The following CSMD1 variants were observed in gnomAD, a reference collection of about 807,000 sequenced individuals.
CSMD1 encodes CUB and Sushi multiple domains 1.
In CSMD1, 213 loss-of-function variants were observed where a neutral mutation model predicts 417.5. That is an observed-to-expected ratio of 0.51 (90% CI 0.46 to 0.57). The LOEUF is 0.57. Among genes scored for constraint, CSMD1 ranks in the 20% least tolerant of loss-of-function variants. CSMD1 has a pLI of 0.00. For synonymous variants in CSMD1, 2,862 were observed against 1,736.8 expected, an observed-to-expected ratio of 1.65 and a Z score of -16.11; for missense variants, 6,923 against 4,529.7, an observed-to-expected ratio of 1.53 and a Z score of -15.17.
At chr8:3,643,574 G>GCCTGTAGTCCCAACTA (rs1340801037) in intron 7 of CSMD1, among the ~76,000 whole-genome samples, 1 of 151,840 alleles carries the variant, frequency 6.6e-6, no homozygotes. Context: ...GGTGGCGGGC[G>GCCTGTAGTCCCAACTA]CCTGTAGTCC....
chr8:3,344,974 G>C (rs1370184982), intron 22 of CSMD1, among the ~76,000 whole-genome samples: 1 of 152,134 alleles, frequency 6.6e-6, no homozygotes, highest in Non-Finnish European at 1.5e-5. Context: ...GACGAGCCGG[G>C]GTCTGACATC....
chr8:4,542,062 G>A (rs947746857), intron 2 of CSMD1, among the ~76,000 whole-genome samples: 20 of 152,094 alleles, frequency 1.3e-4, no homozygotes, highest in African/African-American at 4.6e-4. Flanking sequence ...CGTGTGCAAT[G>A]GGCGCCCTCT....
chr8:4,384,114 C>T (rs768317989), intron 3 of CSMD1, among the ~76,000 whole-genome samples: 14 of 152,160 alleles, frequency 9.2e-5, no homozygotes, highest in Non-Finnish European at 2.1e-4. Context: ...AGCATCAACA[C>T]AGGCTTCAGC....
At chr8:4,460,860 TGTCA>T (rs1243417420) in intron 2 of CSMD1, among the ~76,000 whole-genome samples, 5 of 152,190 alleles carry the variant, frequency 3.3e-5, no homozygotes, top group African/African-American at 7.2e-5. Flanking sequence ...GTAGAATTAT[TGTCA>T]GTCTTTAATA....
rs145345037 is a variant in CSMD1 at position 3,721,742 on chromosome 8, G to A, written c.932-13251C>T. Among the ~76,000 whole-genome samples the A allele has an allele frequency of 7.2e-3, 1,100 of 152,216 alleles. 6 individuals carry two copies. The highest frequency in any genetic ancestry group is 0.012 in the Non-Finnish European group (835 of 68,002). ...TAATGGGGTGAAAAATAAAGGAACA[G>A]AATTCTAAATTCTTTACATGAGGAT... On this transcript the variant is annotated intron_variant, in intron 6 of 69. Coordinates refer to ENST00000635120, the MANE Select transcript of CSMD1 (RefSeq NM_033225.6).
chr8:4,504,710 C>T (rs181426629), intron 2 of CSMD1, among the ~76,000 whole-genome samples: 16 of 152,270 alleles, frequency 1.1e-4, no homozygotes, highest in Non-Finnish European at 2.2e-4. Context: ...TCAACTCCCA[C>T]TTATGAGTCA....
At chr8:4,936,213 T>C (rs1053751037) in intron 1 of CSMD1, among the ~76,000 whole-genome samples, 1 of 152,176 alleles carries the variant, frequency 6.6e-6, no homozygotes, top group Non-Finnish European at 1.5e-5. Context: ...TTCCATATAA[T>C]AAAGATTAGT....
intron 2 of CSMD1, among the ~76,000 whole-genome samples, chr8:4,518,605 G>A (rs982201903): frequency 2.9e-5 from 4 of 139,014 alleles, no homozygotes; most frequent in Non-Finnish European, 6.2e-5. Flanking sequence ...ATCACACACC[G>A]GGGACTGCTG....
At chr8:4,131,254 G>C (rs887751314) in intron 3 of CSMD1, among the ~76,000 whole-genome samples, 3 of 152,154 alleles carry the variant, frequency 2.0e-5, no homozygotes, top group African/African-American at 7.2e-5. Context: ...GTACAGAAAG[G>C]TAGGAGATGA....
chr8:4,097,982 G>T (rs755892356), intron 3 of CSMD1, among the ~76,000 whole-genome samples: 1 of 152,124 alleles, frequency 6.6e-6, no homozygotes, highest in Non-Finnish European at 1.5e-5. Flanking sequence ...AGAATCTGTG[G>T]ATCAGATGGA....
chr8:4,060,176 G>C (rs543325060), intron 3 of CSMD1, among the ~76,000 whole-genome samples: 5 of 152,068 alleles, frequency 3.3e-5, no homozygotes, highest in Non-Finnish European at 5.9e-5. Flanking sequence ...CATATAAACA[G>C]AACCAAAGAC....
chr8:3,976,518 G>C (rs1470701041), intron 5 of CSMD1, among the ~76,000 whole-genome samples: 2 of 152,110 alleles, frequency 1.3e-5, no homozygotes, highest in Non-Finnish European at 2.9e-5. Context: ...TTGTTGAATA[G>C]TCAAATATAA....
chr8:4,444,714 G>T (rs17070314), intron 2 of CSMD1, among the ~76,000 whole-genome samples: 3 of 152,120 alleles, frequency 2.0e-5, no homozygotes, highest in African/African-American at 7.2e-5. Flanking sequence ...AAGCACAGGT[G>T]CATGAAGGAA....
intron 3 of CSMD1, among the ~76,000 whole-genome samples, chr8:4,034,609 C>G (rs1037557704): frequency 2.0e-5 from 3 of 152,084 alleles, no homozygotes; most frequent in African/African-American, 7.2e-5. Flanking sequence ...ATCAGCTGAG[C>G]CGAGAGCTCT....
chr8:3,642,360 C>T (rs1797349224), intron 7 of CSMD1, among the ~76,000 whole-genome samples: 1 of 152,066 alleles, frequency 6.6e-6, no homozygotes, highest in African/African-American at 2.4e-5. Context: ...AAGAAGAAAT[C>T]ACCGCAAAGA....
intron 3 of CSMD1, among the ~76,000 whole-genome samples, chr8:4,208,766 T>C (rs985325780): frequency 6.6e-6 from 1 of 152,224 alleles, no homozygotes; most frequent in African/African-American, 2.4e-5. Context: ...GTGGAAATTT[T>C]GTATTACAGA....
chr8:4,680,508 G>T (rs560694847), intron 1 of CSMD1, among the ~76,000 whole-genome samples: 7 of 152,268 alleles, frequency 4.6e-5, no homozygotes, highest in Admixed American at 3.3e-4. Flanking sequence ...TATAGAGAGG[G>T]AGGAAGGAGA....
intron 30 of CSMD1, among the ~76,000 whole-genome samples, chr8:3,209,931 G>A (rs1585663883): frequency 6.6e-6 from 1 of 152,100 alleles, no homozygotes; most frequent in South Asian, 2.1e-4. Context: ...AGAAGTCATT[G>A]TGACCCATGA....
At chr8:3,322,148 G>A (rs61629057) in intron 23 of CSMD1, among the ~76,000 whole-genome samples, 7,021 of 152,262 alleles carry the variant, frequency 0.046, 360 homozygotes, top group East Asian at 0.21. Context: ...GTCATAATGA[G>A]TTTGAGGATG....
Sources: gnomAD v4.1 joint callset for allele counts (sites outside exome capture counted in the v4.1 genomes callset) on GRCh38, gnomAD v4.1.1 for gene constraint, MANE v1.5 for transcripts, NCBI Gene and HGNC (gene_info 2026-07-23, HGNC 2026-07-21) for gene names.